Variants in HDAC9 observed in about 807,000 individuals in gnomAD.
HDAC9 encodes histone deacetylase 9.
In HDAC9, 41 loss-of-function variants were observed where a neutral mutation model predicts 139.4. The ratio of observed to expected loss-of-function variants is 0.29; its 90% CI spans 0.23 to 0.38. The LOEUF is 0.38. Ranked by LOEUF, HDAC9 falls within the 10% of genes least tolerant of loss-of-function variation. The pLI is 1.00. For missense variants in HDAC9, 1,147 were observed against 1,297.0 expected (o/e 0.88, Z 1.78); for synonymous variants, 517 against 476.2 (o/e 1.09, Z -1.12).
At chr7:18,596,326 T>C (rs1832483615) in intron 6 of HDAC9, among the ~76,000 whole-genome samples, 1 of 152,130 alleles carries the variant, frequency 6.6e-6, no homozygotes, top group Admixed American at 6.6e-5. Context: ...TACAGATGCT[T>C]TCTATACTCT....
At chr7:18,737,141 C>G (rs2129138969) in intron 13 of HDAC9, among the ~76,000 whole-genome samples, 1 of 152,108 alleles carries the variant, frequency 6.6e-6, no homozygotes, top group African/African-American at 2.4e-5. Context: ...CTTTATTGGT[C>G]TTGCTAGCAG....
At chr7:18,483,851 C>G (rs986885960) in intron 1 of HDAC9, among the ~76,000 whole-genome samples, 2 of 152,020 alleles carry the variant, frequency 1.3e-5, no homozygotes, top group African/African-American at 2.4e-5. Context: ...GGCACAGATT[C>G]AAAATTCAAA....
intron 1 of HDAC9, among the ~76,000 whole-genome samples, chr7:18,410,164 C>G (rs1788411239): frequency 6.6e-6 from 1 of 152,070 alleles, no homozygotes; most frequent in Non-Finnish European, 1.5e-5. Context: ...TCCATTGGCA[C>G]TTGTTGAAAA....
intron 1 of HDAC9, among the ~76,000 whole-genome samples, chr7:18,311,040 T>G (rs1401729457): frequency 1.3e-5 from 2 of 152,114 alleles, no homozygotes; most frequent in African/African-American, 4.8e-5. Context: ...AACTTTTTGC[T>G]CACATCAATT....
intron 23 of HDAC9, among the ~76,000 whole-genome samples, chr7:18,938,995 T>C (rs1450598764): frequency 6.6e-6 from 1 of 152,228 alleles, no homozygotes; most frequent in Non-Finnish European, 1.5e-5. Context: ...AGTGTTTAGA[T>C]TGCTAAAATT....
chr7:18,785,438 A>G (rs1016683453), intron 16 of HDAC9, among the ~76,000 whole-genome samples: 1 of 152,088 alleles, frequency 6.6e-6, no homozygotes, highest in Non-Finnish European at 1.5e-5. Context: ...AAATGTCTCC[A>G]GAAAGTGCCA....
intron 2 of HDAC9, among the ~76,000 whole-genome samples, chr7:18,532,873 A>G (rs1035191870): frequency 1.3e-5 from 2 of 151,314 alleles, no homozygotes; most frequent in Non-Finnish European, 2.9e-5. Context: ...TTAGAAAATT[A>G]TTTGTTTATG....
chr7:18,964,449 G>C (rs1314135421), intron 24 of HDAC9, among the ~76,000 whole-genome samples: 1 of 152,068 alleles, frequency 6.6e-6, no homozygotes, highest in Non-Finnish European at 1.5e-5. Context: ...ATGATCATTT[G>C]ATTAATGGCA....
At chr7:18,257,196 C>A (rs1021372298) in intron 2 of HDAC9, among the ~76,000 whole-genome samples, 18 of 149,768 alleles carry the variant, frequency 1.2e-4, no homozygotes, top group Non-Finnish European at 2.1e-4. Flanking sequence ...AACATTGGGT[C>A]AGGTGTGGTG....
chr7:18,886,912 A>G (rs940481436), intron 22 of HDAC9, among the ~76,000 whole-genome samples: 3 of 152,224 alleles, frequency 2.0e-5, no homozygotes, highest in Non-Finnish European at 4.4e-5. Flanking sequence ...GATGATTGCT[A>G]TAAGTAAAAT....
At chr7:18,931,439 C>T (rs1804735187) in intron 22 of HDAC9, among the ~76,000 whole-genome samples, 1 of 152,018 alleles carries the variant, frequency 6.6e-6, no homozygotes, top group Admixed American at 6.5e-5. Context: ...TTTTTAAATC[C>T]TTTTTAAATG....
At chr7:18,326,853 G>A (rs1800488765) in intron 1 of HDAC9, among the ~76,000 whole-genome samples, 2 of 151,922 alleles carry the variant, frequency 1.3e-5, no homozygotes, top group Admixed American at 1.3e-4. Context: ...ATTCAGGGGA[G>A]AACTGATGAT....
chr7:18,526,039 T>C (rs985333285), intron 2 of HDAC9, among the ~76,000 whole-genome samples: 3 of 152,192 alleles, frequency 2.0e-5, no homozygotes, highest in Non-Finnish European at 4.4e-5. Flanking sequence ...TGAAAGTCAC[T>C]GTTTTAGGTA....
At chr7:18,824,050 A>AG (rs1562966408) in intron 17 of HDAC9, among the ~76,000 whole-genome samples, 61 of 127,506 alleles carry the variant, frequency 4.8e-4, no homozygotes, top group South Asian at 7.7e-4. Flanking sequence ...AAGAGGAAGA[A>AG]GAAGAAGAAG....
chr7:18,261,163 G>T (rs997096138), intron 2 of HDAC9, among the ~76,000 whole-genome samples: 1 of 151,686 alleles, frequency 6.6e-6, no homozygotes, highest in African/African-American at 2.4e-5. Context: ...AAAAAATTGG[G>T]TGTGCATGGT....
intron 2 of HDAC9, among the ~76,000 whole-genome samples, chr7:18,257,369 A>ACTCT (rs146860772): frequency 1.5e-3 from 170 of 110,298 alleles, no homozygotes; most frequent in Middle Eastern, 4.7e-3. Context: ...TGTCTCTCTG[A>ACTCT]CTCTCTCTCT....
At chr7:18,583,445 G>T (rs1828437423) in intron 2 of HDAC9, among the ~76,000 whole-genome samples, 1 of 152,078 alleles carries the variant, frequency 6.6e-6, no homozygotes, top group Non-Finnish European at 1.5e-5. Context: ...GAAGAGCCTG[G>T]TGCTGTGACT....
intron 1 of HDAC9, among the ~76,000 whole-genome samples, chr7:18,324,531 C>T (rs1029667872): frequency 5.3e-5 from 8 of 152,210 alleles, no homozygotes; most frequent in East Asian, 3.9e-4. Flanking sequence ...AAGGAAATAG[C>T]TTTTAAATGG....
intron 2 of HDAC9, among the ~76,000 whole-genome samples, chr7:18,191,288 A>T (rs559913154): frequency 6.6e-6 from 1 of 152,356 alleles, no homozygotes; most frequent in Non-Finnish European, 1.5e-5. Flanking sequence ...GTGGGTGAAG[A>T]AAAGTTACTT....
Sources: allele counts gnomAD v4.1 joint callset (sites outside exome capture counted in the v4.1 genomes callset), GRCh38; gene constraint gnomAD v4.1.1; transcripts MANE v1.5; gene names NCBI Gene and HGNC (gene_info 2026-07-23, HGNC 2026-07-21).